Variants in VPS53 observed in about 807,000 individuals in gnomAD.
VPS53 encodes VPS53 subunit of GARP complex, also known as vacuolar protein sorting-associated protein 53 homolog.
VPS53 carries 70 observed loss-of-function variants against 107.0 expected under a neutral mutation model. The observed-to-expected ratio is 0.65, with a 90% CI of 0.54 to 0.80. The LOEUF (loss-of-function observed/expected upper bound fraction) is 0.80, where lower values mean the gene tolerates loss of function less well. Ranked by LOEUF, VPS53 falls within the 30% of genes least tolerant of loss-of-function variation. The pLI is 0.00. For missense variants in VPS53, 917 were observed against 1,049.4 expected (o/e 0.87, Z 1.74); for synonymous variants, 409 against 393.3 (o/e 1.04, Z -0.47).
chr17:708,518 C>A (rs1357678938), intron 2 of VPS53, among the ~76,000 whole-genome samples: 1 of 152,212 alleles, frequency 6.6e-6, no homozygotes, highest in Non-Finnish European at 1.5e-5. Flanking sequence ...CACTGAAGCA[C>A]AGCACCACAG....
chr17:701,472 G>A (rs181600509), intron 2 of VPS53, among the ~76,000 whole-genome samples: 34 of 152,042 alleles, frequency 2.2e-4, no homozygotes, highest in Admixed American at 9.2e-4. Flanking sequence ...CCGACTCCCT[G>A]GTTCAAGCGA....
intron 17 of VPS53, among the ~76,000 whole-genome samples, chr17:544,479 C>T (rs1911031436): frequency 6.6e-6 from 1 of 152,092 alleles, no homozygotes; most frequent in African/African-American, 2.4e-5. Flanking sequence ...AAAAGACTTA[C>T]TCACTCTCTC....
chr17:619,402 GC>G (rs1969349791), intron 11 of VPS53, among the ~76,000 whole-genome samples: 1 of 145,854 alleles, frequency 6.9e-6, no homozygotes, highest in South Asian at 2.2e-4. Context: ...TTCCCGGGTA[GC>G]TGGGACTACA....
chr17:636,889 G>T (rs1274397325), intron 7 of VPS53, among the ~76,000 whole-genome samples: 1 of 151,992 alleles, frequency 6.6e-6, no homozygotes, highest in Admixed American at 6.6e-5. Flanking sequence ...TTTTTTTGTT[G>T]TGTCTCTGCC....
At chr17:547,129 G>A (rs542277229) in intron 17 of VPS53, among the ~76,000 whole-genome samples, 12 of 152,064 alleles carry the variant, frequency 7.9e-5, no homozygotes, top group African/African-American at 2.7e-4. Context: ...TGCCCACCTC[G>A]GCCTCCCAAC....
At chr17:564,879 G>A (rs1353315386) in intron 13 of VPS53, among the ~76,000 whole-genome samples, 4 of 152,194 alleles carry the variant, frequency 2.6e-5, no homozygotes, top group Non-Finnish European at 5.9e-5. Context: ...CAGCAGAGCT[G>A]CAGTAACTGC....
At chr17:713,883 A>ACCCCC (rs879613085) in intron 1 of VPS53, among the ~76,000 whole-genome samples, 1 of 142,456 alleles carries the variant, frequency 7.0e-6, no homozygotes, top group Non-Finnish European at 1.5e-5. Context: ...TTTACCCCAA[A>ACCCCC]AAAAAAAAAA....
chr17:601,905 T>C lies in VPS53; in HGVS notation c.1117-9A>G. 4 of 1,563,530 alleles carry C rather than the reference T, an allele frequency of 2.6e-6. No homozygotes were observed. Among genetic ancestry groups the C allele is most frequent in the Non-Finnish European group, 3.5e-6 (4 of 1,152,662 alleles). On this transcript the variant is annotated splice_polypyrimidine_tract_variant and intron_variant, in intron 11 of 21. Transcript: ENST00000437048. ...GGAGACTCAAGCTTTTTCTGTTAGG[T>C]AGATATGAGAAAGAGAAGTGTTTTC...
At chr17:664,935 G>C (rs1971616705) in intron 4 of VPS53, among the ~76,000 whole-genome samples, 3 of 152,186 alleles carry the variant, frequency 2.0e-5, no homozygotes, top group Non-Finnish European at 4.4e-5. Flanking sequence ...AATGCAGGAG[G>C]AGGACGGGCT....
intron 2 of VPS53, among the ~76,000 whole-genome samples, chr17:702,644 T>A (rs1300730283): frequency 6.6e-6 from 1 of 152,008 alleles, no homozygotes; most frequent in Non-Finnish European, 1.5e-5. Context: ...CCAGCCTGGA[T>A]AACAGAAGGA....
chr17:626,992 G>A (rs183788257), intron 10 of VPS53, among the ~76,000 whole-genome samples, 182 bp downstream of exon 10: 16 of 152,258 alleles, frequency 1.1e-4, no homozygotes, highest in African/African-American at 2.9e-4. Flanking sequence ...AAGTCCCAGA[G>A]CAAAGATGGG....
At chr17:659,951 G>A (rs1205712029) in intron 5 of VPS53, among the ~76,000 whole-genome samples, 3 of 152,102 alleles carry the variant, frequency 2.0e-5, no homozygotes, top group Admixed American at 6.5e-5. Flanking sequence ...GCCATCAATG[G>A]CAGGGCACAC....
intron 4 of VPS53, among the ~76,000 whole-genome samples, chr17:678,861 G>A (rs1972269943): frequency 6.6e-6 from 1 of 151,962 alleles, no homozygotes; most frequent in South Asian, 2.1e-4. Context: ...GGATGGTCTC[G>A]ATCTCCTGAC....
intron 17 of VPS53, among the ~76,000 whole-genome samples, chr17:547,713 C>T (rs530971073): frequency 8.5e-5 from 13 of 152,304 alleles, no homozygotes; most frequent in Non-Finnish European, 1.8e-4. Context: ...TCTTGGCTCA[C>T]TACAACCTCG....
rs76214760 is a variant in VPS53 at position 529,527 on chromosome 17, T to C, written c.2085+3315A>G. On this transcript the variant is annotated intron_variant, in intron 19 of 21. Coordinates refer to ENST00000437048, the MANE Select transcript of VPS53 (RefSeq NM_001128159.3). The stretch of plus-strand genomic sequence containing the variant: ...GAATAATTTGCCGCTTTTTAAATTG[T>C]TATTTATTTTTTATTGGGCAGCCTC... Among the ~76,000 whole-genome samples the C allele has an allele frequency of 6.1e-3, 926 of 152,280 alleles. 10 individuals carry two copies. Among genetic ancestry groups the C allele is most frequent in the African/African-American group, 0.021 (857 of 41,552 alleles).
chr17:593,920 CAAT>C (rs1430147033), intron 12 of VPS53, among the ~76,000 whole-genome samples: 3 of 152,128 alleles, frequency 2.0e-5, no homozygotes, highest in Non-Finnish European at 4.4e-5. Context: ...AAATGTCCAA[CAAT>C]GATAGACTGG....
At chr17:550,844 G>C (rs997304278) in intron 17 of VPS53, among the ~76,000 whole-genome samples, 3 of 151,802 alleles carry the variant, frequency 2.0e-5, no homozygotes, top group African/African-American at 7.3e-5. Flanking sequence ...GAGGGCCAAG[G>C]GCTGACTGAT....
chr17:658,504 G>C (rs1403101696), intron 5 of VPS53, among the ~76,000 whole-genome samples: 1 of 151,164 alleles, frequency 6.6e-6, no homozygotes, highest in Non-Finnish European at 1.5e-5. Context: ...ACTGAAGTGA[G>C]AAACTCGGCA....
intron 4 of VPS53, among the ~76,000 whole-genome samples, chr17:668,786 A>G (rs1343991989): frequency 6.6e-6 from 1 of 152,164 alleles, no homozygotes; most frequent in South Asian, 2.1e-4. Flanking sequence ...TAGGTCTCAC[A>G]TATGAAGAAG....
Sources: allele counts gnomAD v4.1 joint callset (sites outside exome capture counted in the v4.1 genomes callset), GRCh38; gene constraint gnomAD v4.1.1; transcripts MANE v1.5; gene names NCBI Gene and HGNC (gene_info 2026-07-23, HGNC 2026-07-21).